Variants in EPHA3 observed in about 807,000 individuals in gnomAD.
EPHA3 encodes the protein EPH receptor A3.
EPHA3 carries 42 observed loss-of-function variants against 107.1 expected under a neutral mutation model. The ratio of observed to expected loss-of-function variants is 0.39; its 90% CI spans 0.31 to 0.51. EPHA3 has a LOEUF of 0.51. EPHA3 is among the 20% of genes least tolerant of loss of function. EPHA3 has a pLI of 0.78. For missense variants in EPHA3, 1,183 were observed against 1,211.2 expected (o/e 0.98, Z 0.35); for synonymous variants, 461 against 424.8 (o/e 1.09, Z -1.05).
chr3:89,209,911 C>A lies in EPHA3; in HGVS notation c.205C>A (p.Gln69Lys). 1 of 1,613,250 alleles carries A rather than the reference C, an allele frequency of 6.2e-7. No homozygotes were observed. The change falls in exon 3 of 17, where the codon CAG becomes AAG. Residue 69 changes from glutamine to lysine, a missense_variant. Physicochemically the swap from Gln to Lys is moderately conservative, Grantham distance 53. Transcript: ENST00000336596. ...DEHYTPIRTY[Q>K]VCNVMDHSQN... ...ACATTACACACCCATCAGGACTTAC[C>A]AGGTGTGCAATGTCATGGACCACAG...
intron 2 of EPHA3, among the ~76,000 whole-genome samples, chr3:89,193,458 G>A (rs1705765462): frequency 6.6e-6 from 1 of 151,986 alleles, no homozygotes; most frequent in Admixed American, 6.6e-5. Flanking sequence ...GATGTAGAAA[G>A]GATTTGTTAA....
chr3:89,230,868 A>G (rs556191670), intron 3 of EPHA3, among the ~76,000 whole-genome samples: 2 of 147,738 alleles, frequency 1.4e-5, no homozygotes, highest in Non-Finnish European at 3.0e-5. Flanking sequence ...CTTTGCTTTT[A>G]TCTGCTCCCC....
chr3:89,108,256 G>A (rs1707019945), intron 1 of EPHA3, among the ~76,000 whole-genome samples: 1 of 152,110 alleles, frequency 6.6e-6, no homozygotes, highest in Admixed American at 6.5e-5. Context: ...TATGTTTAAA[G>A]GTAATGACAG....
chr3:89,272,609 G>T (rs115026234), intron 3 of EPHA3, among the ~76,000 whole-genome samples: 1 of 151,880 alleles, frequency 6.6e-6, no homozygotes, highest in African/African-American at 2.4e-5. Flanking sequence ...AAGTAGAATC[G>T]TATTTCTCAT....
At chr3:89,193,316 A>G (rs1576219196) in intron 2 of EPHA3, among the ~76,000 whole-genome samples, 1 of 152,042 alleles carries the variant, frequency 6.6e-6, no homozygotes, top group African/African-American at 2.4e-5. Context: ...ATAAGCTACA[A>G]GTTTGTAGCT....
chr3:89,229,071 C>T (rs1374251653), intron 3 of EPHA3, among the ~76,000 whole-genome samples: 1 of 151,900 alleles, frequency 6.6e-6, no homozygotes, highest in Non-Finnish European at 1.5e-5. Context: ...AAGCATTCTT[C>T]TCATTTTTCT....
At chr3:89,436,217 C>A (rs980996041) in intron 13 of EPHA3, among the ~76,000 whole-genome samples, 4 of 151,972 alleles carry the variant, frequency 2.6e-5, no homozygotes, top group Non-Finnish European at 5.9e-5. Flanking sequence ...GTTTGTCAAC[C>A]CAAAGCAATA....
At chr3:89,357,385 T>C (rs543686501) in intron 5 of EPHA3, among the ~76,000 whole-genome samples, 1 of 151,110 alleles carries the variant, frequency 6.6e-6, no homozygotes, top group East Asian at 1.9e-4. Flanking sequence ...ATAGATTCAC[T>C]GTAATTCCAA....
intron 2 of EPHA3, among the ~76,000 whole-genome samples, chr3:89,191,369 C>G (rs995084480): frequency 2.0e-5 from 3 of 151,750 alleles, no homozygotes; most frequent in South Asian, 2.1e-4. Context: ...TGCTGTGGCA[C>G]GATCTCGGCT....
intron 3 of EPHA3, among the ~76,000 whole-genome samples, chr3:89,284,475 A>C (rs1364672275): frequency 1.3e-5 from 2 of 152,152 alleles, no homozygotes; most frequent in Non-Finnish European, 2.9e-5. Flanking sequence ...TTAAGTACTT[A>C]ACTTTATAAT....
intron 15 of EPHA3, among the ~76,000 whole-genome samples, chr3:89,467,094 C>T (rs939526236): frequency 1.1e-4 from 17 of 151,950 alleles, no homozygotes; most frequent in African/African-American, 3.1e-4. Context: ...TTCATTTTAT[C>T]GTATCTGGAT....
At chr3:89,318,139 G>C (rs990418905) in intron 3 of EPHA3, among the ~76,000 whole-genome samples, 11 of 151,738 alleles carry the variant, frequency 7.2e-5, no homozygotes, top group Admixed American at 1.3e-4. Flanking sequence ...TGGATCATAT[G>C]AATATTTTAT....
intron 3 of EPHA3, among the ~76,000 whole-genome samples, chr3:89,260,439 T>A (rs1377810466): frequency 6.6e-6 from 1 of 152,206 alleles, no homozygotes; most frequent in Non-Finnish European, 1.5e-5. Flanking sequence ...ATTACTGATG[T>A]TGAGCACCTT....
intron 2 of EPHA3, among the ~76,000 whole-genome samples, chr3:89,174,951 T>C (rs1201518580): frequency 1.3e-5 from 2 of 152,026 alleles, no homozygotes; most frequent in Non-Finnish European, 2.9e-5. Flanking sequence ...AATTTGGTTG[T>C]CTCCATTTAA....
intron 3 of EPHA3, among the ~76,000 whole-genome samples, chr3:89,279,799 G>A (rs1441581525): frequency 6.6e-6 from 1 of 151,962 alleles, no homozygotes; most frequent in African/African-American, 2.4e-5. Context: ...AAGCCTTAAA[G>A]AAAAATAACA....
intron 13 of EPHA3, among the ~76,000 whole-genome samples, chr3:89,436,767 A>G (rs1025030767): frequency 6.6e-6 from 1 of 152,340 alleles, no homozygotes; most frequent in Non-Finnish European, 1.5e-5. Flanking sequence ...ACTGTGTTCT[A>G]TACTGTCTTA....
chr3:89,263,916 C>T (rs961702520), intron 3 of EPHA3, among the ~76,000 whole-genome samples: 5 of 152,072 alleles, frequency 3.3e-5, no homozygotes, highest in South Asian at 4.2e-4. Flanking sequence ...GGTTACATTC[C>T]GAAGTTTTAG....
At chr3:89,380,854 C>T (rs866515871) in intron 5 of EPHA3, among the ~76,000 whole-genome samples, 11 of 151,758 alleles carry the variant, frequency 7.2e-5, no homozygotes, top group Admixed American at 3.3e-4. Flanking sequence ...CCGCAACCTC[C>T]GCCTCCTGGG....
rs151254198 is a variant in EPHA3 at position 89,121,853 on chromosome 3, T to C, written c.89-5356T>C. Among the ~76,000 whole-genome samples, 576 of 152,104 alleles carry C rather than the reference T, an allele frequency of 3.8e-3. 3 individuals are homozygous for C. Among genetic ancestry groups the C allele is most frequent in the Middle Eastern group, 0.01 (3 of 294 alleles). ...ATTAAGAATATACAAGCATGGTAGA[T>C]AAAAGTTATGTTGCAATATATAAGT... On this transcript the variant is annotated intron_variant, in intron 1 of 16. Coordinates refer to ENST00000336596, the MANE Select transcript of EPHA3 (RefSeq NM_005233.6).
Sources: gnomAD v4.1 joint callset for allele counts (sites outside exome capture counted in the v4.1 genomes callset) on GRCh38, gnomAD v4.1.1 for gene constraint, MANE v1.5 for transcripts, NCBI Gene and HGNC (gene_info 2026-07-23, HGNC 2026-07-21) for gene names.